MAP3K4: variants seen among roughly 807,000 people sequenced by gnomAD.
MAP3K4 encodes the protein mitogen-activated protein kinase kinase kinase 4.
In MAP3K4, 67 loss-of-function variants were observed where a neutral mutation model predicts 185.6. The observed-to-expected ratio is 0.36, with a 90% CI of 0.30 to 0.44. MAP3K4 has a LOEUF of 0.44. MAP3K4 is among the 20% of genes least tolerant of loss of function. The pLI is 1.00. For missense variants in MAP3K4, 1,551 were observed against 1,995.1 expected (o/e 0.78, Z 4.24); for synonymous variants, 702 against 710.4 (o/e 0.99, Z 0.19).
At chr6:161,000,907 A>G (rs538634876) in intron 1 of MAP3K4, among the ~76,000 whole-genome samples, 12 of 148,638 alleles carry the variant, frequency 8.1e-5, no homozygotes, top group East Asian at 3.9e-4. Context: ...ATATGTACAC[A>G]CACATATATA....
At chr6:161,010,687 G>C (rs1781804626) in intron 1 of MAP3K4, among the ~76,000 whole-genome samples, 1 of 152,144 alleles carries the variant, frequency 6.6e-6, no homozygotes, top group Non-Finnish European at 1.5e-5. Flanking sequence ...ACTAACCCCT[G>C]TTAAATACTC....
intron 2 of MAP3K4, among the ~76,000 whole-genome samples, chr6:161,035,654 A>G (rs1232328567): frequency 1.3e-5 from 2 of 152,170 alleles, no homozygotes; most frequent in Non-Finnish European, 2.9e-5. Flanking sequence ...TCCCACTGCA[A>G]TTTGTCATCT....
chr6:161,028,867 AT>A (rs1313988360), intron 1 of MAP3K4, among the ~76,000 whole-genome samples: 3 of 152,214 alleles, frequency 2.0e-5, no homozygotes, highest in African/African-American at 7.2e-5. Flanking sequence ...TCAGCTGTAG[AT>A]TGATGATAAA....
rs1778264618 is a variant in MAP3K4, at chr6:161,109,792, G to A, written c.4274G>A (p.Gly1425Glu). ...MYIFMEYCDE[G>E]TLEEVSRLGL... ...ATCTTCATGGAGTACTGCGATGAGGGGACTTTAGAAGAGGTGTCAAGGCTG... is the reference window on the plus strand; with the variant it reads ...ATCTTCATGGAGTACTGCGATGAGGAGACTTTAGAAGAGGTGTCAAGGCTG... Residue 1425 changes from glycine (G) to glutamate (E), a missense_variant, in exon 23 of 27, where the codon GGG becomes GAG. By Grantham distance (98) the Gly-to-Glu change is moderately conservative. This residue lies in a region of MAP3K4 where 159 missense variants were observed against 300.5 expected (regional missense o/e 0.53). Coordinates refer to ENST00000392142, the MANE Select transcript of MAP3K4 (RefSeq NM_005922.4). This position sits in a 1 kb window ranked among gnomAD's most constrained non-coding sequence, Gnocchi z 5.7. 6.2e-7 allele frequency: 1 copy of A among 1,614,002 alleles called. No homozygotes were observed. Among genetic ancestry groups the A allele is most frequent in the South Asian group, 1.1e-5 (1 of 91,068 alleles).
Position 161,117,036 on chromosome 6 carries a change from G to A in MAP3K4, c.*166G>A, listed in dbSNP as rs992596818. ...CCTGCTGCTCCTGTTTGTCTGATGT[G>A]GCAAAAGGCCCTCTGGAGGGCTGGT... is the stretch of plus-strand genomic sequence containing the variant. On this transcript the variant is annotated 3_prime_UTR_variant, in exon 27 of 27. Coordinates refer to ENST00000392142, the MANE Select transcript of MAP3K4 (RefSeq NM_005922.4). 19 of 663,044 alleles carry A rather than the reference G, an allele frequency of 2.9e-5. No individual in the cohort carries two copies. The highest frequency in any genetic ancestry group is 7.3e-5 in the African/African-American group (4 of 54,980). The allele number at this position is 663,044 out of a possible 1,614,324, so 41.1% of individuals were successfully genotyped here.
chr6:161,108,753 A>C lies in MAP3K4; in HGVS notation c.4130A>C (p.Gln1377Pro). 6.2e-7 allele frequency: 1 copy of C among 1,610,586 alleles called. No individual in the cohort carries two copies. The highest frequency in any genetic ancestry group is 1.1e-5 in the South Asian group (1 of 91,004). The change falls in exon 22 of 27, where the codon CAA becomes CCA. Residue 1377 changes from glutamine to proline, a missense_variant. By Grantham distance (76) the Gln-to-Pro change is moderately conservative. Transcript: ENST00000392142. The surrounding 1 kb of genome is among the most constrained non-coding windows in gnomAD (Gnocchi z 5.7). Reference protein sequence around the residue: ...ELMAMKEIRFQPNDHKTIKET... With the variant: ...ELMAMKEIRFPPNDHKTIKET... ...CACCTCACTTTACAGATTCGATTTC[A>C]ACCTAATGACCATAAGACTATCAAG...
chr6:161,093,142 T>A lies in MAP3K4; in HGVS notation c.3348+86T>A. On this transcript the variant is annotated intron_variant, in intron 14 of 26. Transcript: ENST00000392142. The surrounding 1 kb of genome is among the most constrained non-coding windows in gnomAD (Gnocchi z 5.2). ...GTTGTATATGTTTTATATGTAATAG[T>A]GGTTTTTTTCATGAGATATTAATCT... 1.1e-6 allele frequency: 1 copy of A among 885,692 alleles called. No individual in the cohort carries two copies. Among genetic ancestry groups the A allele is most frequent in the Non-Finnish European group, 1.8e-6 (1 of 558,762 alleles). 54.9% of individuals were successfully genotyped at this position (885,692 alleles called of 1,614,324 possible).
intron 6 of MAP3K4, among the ~76,000 whole-genome samples, chr6:161,081,948 C>T (rs1167355543): frequency 3.3e-5 from 5 of 152,222 alleles, no homozygotes; most frequent in Non-Finnish European, 5.9e-5. Flanking sequence ...AGAGCAGCAG[C>T]TTCTGCTGCC....
Position 161,086,727 on chromosome 6 carries a change from G to A in MAP3K4, c.2556+60G>A, listed in dbSNP as rs1335814054. ...GCCTTTCCTTCTTTATTCTAAAACAGGCAGACTTTTTCTTGAAGGTCCAGA... is the reference window on the plus strand; with the variant it reads ...GCCTTTCCTTCTTTATTCTAAAACAAGCAGACTTTTTCTTGAAGGTCCAGA... On this transcript the variant is annotated intron_variant, in intron 9 of 26. Transcript: ENST00000392142. This position sits in a 1 kb window ranked among gnomAD's most constrained non-coding sequence, Gnocchi z 4.8. The A allele has an allele frequency of 1.4e-6, 2 of 1,400,838 alleles. No homozygotes were observed. Among genetic ancestry groups the A allele is most frequent in the African/African-American group, 2.9e-5 (2 of 69,378 alleles). 86.8% of individuals were successfully genotyped at this position (1,400,838 alleles called of 1,614,324 possible).
chr6:161,097,187 C>T lies in MAP3K4; in HGVS notation c.3524+11C>T. ...TCCAGAGGGATTCAGGTATTTGGTG[C>T]TTATCTAGTCATTTGCTTTACAGAG... On this transcript the variant is annotated intron_variant, in intron 16 of 26. Coordinates refer to ENST00000392142, the MANE Select transcript of MAP3K4 (RefSeq NM_005922.4). The surrounding 1 kb of genome is among the most constrained non-coding windows in gnomAD (Gnocchi z 4.9). The T allele has an allele frequency of 6.2e-7, 1 of 1,610,908 alleles. No homozygotes were observed. The highest frequency in any genetic ancestry group is 8.5e-7 in the Non-Finnish European group (1 of 1,177,170).
rs1785097579 is a variant in MAP3K4 at position 161,074,756 on chromosome 6, T to C, written c.2097+1144T>C. 6.6e-6 allele frequency among the ~76,000 whole-genome samples: 1 copy of C among 152,212 alleles called. No individual in the cohort carries two copies. Among genetic ancestry groups the C allele is most frequent in the African/African-American group, 2.4e-5 (1 of 41,434 alleles). ...ATCGTTGTAGGTGGGGTGCATTCAT[T>C]CTTGCTTAACATGTACTGTGTCCTG... On this transcript the variant is annotated intron_variant, in intron 5 of 26. Coordinates refer to ENST00000392142, the MANE Select transcript of MAP3K4 (RefSeq NM_005922.4). This position sits in a 1 kb window ranked among gnomAD's most constrained non-coding sequence, Gnocchi z 5.0.
rs1221596945 is a variant in MAP3K4, at chr6:161,064,524, A to G, written c.1708-6084A>G. Among the ~76,000 whole-genome samples, 2 of 151,812 alleles carry G rather than the reference A, an allele frequency of 1.3e-5. No homozygotes were observed. The highest frequency in any genetic ancestry group is 6.6e-5 in the Admixed American group (1 of 15,222). The stretch of plus-strand genomic sequence containing the variant: ...TGTTCTGATCTGTTTATTACTGTGC[A>G]GGCTTATTCTATTTTAAATAGAGTA... On this transcript the variant is annotated intron_variant, in intron 3 of 26. Transcript: ENST00000392142. The surrounding 1 kb of genome is among the most constrained non-coding windows in gnomAD (Gnocchi z 4.3).
chr6:161,105,987 C>G (rs1324275560), intron 19 of MAP3K4, among the ~76,000 whole-genome samples: 1 of 152,030 alleles, frequency 6.6e-6, no homozygotes, highest in East Asian at 1.9e-4. Flanking sequence ...AGGCACACAC[C>G]ACCACACCTG....
Position 161,106,010 on chromosome 6 carries a change from A to G in MAP3K4, c.3857-504A>G, listed in dbSNP as rs1562544443. ...ACCACCACACCTGGCTAACTTTTGT[A>G]TTTTTTTGTAGAGATGGGGTTTTGC... On this transcript the variant is annotated intron_variant, in intron 19 of 26. Transcript: ENST00000392142. The surrounding 1 kb of genome is among the most constrained non-coding windows in gnomAD (Gnocchi z 4.9). 1.3e-5 allele frequency among the ~76,000 whole-genome samples: 2 copies of G among 151,638 alleles called. No individual in the cohort carries two copies. Among genetic ancestry groups the G allele is most frequent in the African/African-American group, 4.8e-5 (2 of 41,264 alleles).
In MAP3K4 at chr6:161,098,123, T is replaced by C. The variant is rs1777652320; in HGVS notation, c.3525-155T>C. The C allele has an allele frequency of 5.4e-6, 5 of 921,090 alleles. No individual in the cohort carries two copies. The highest frequency in any genetic ancestry group is 8.1e-6 in the Non-Finnish European group (5 of 618,204). 57.1% of individuals were successfully genotyped at this position (921,090 alleles called of 1,614,324 possible). A position where few individuals can be genotyped will look rare whatever the true frequency, so the allele number is the denominator to read the frequency against. On this transcript the variant is annotated intron_variant, in intron 16 of 26. Transcript: ENST00000392142. This position sits in a 1 kb window ranked among gnomAD's most constrained non-coding sequence, Gnocchi z 4.4. ...AAGCTTTGAAGTTAGGTTTTTTCTTTTTTACACCTAGACTCAAATCTCAAA... is the reference window on the plus strand; with the variant it reads ...AAGCTTTGAAGTTAGGTTTTTTCTTCTTTACACCTAGACTCAAATCTCAAA...
At chr6:161,025,065 C>T (rs962414624) in intron 1 of MAP3K4, among the ~76,000 whole-genome samples, 1 of 152,078 alleles carries the variant, frequency 6.6e-6, no homozygotes, top group Non-Finnish European at 1.5e-5. Context: ...AATATGGGCT[C>T]ATGGTTGTAA....
At chr6:161,104,943 A>T (rs1338676211) in intron 19 of MAP3K4, among the ~76,000 whole-genome samples, 3 of 152,210 alleles carry the variant, frequency 2.0e-5, no homozygotes, top group Non-Finnish European at 4.4e-5. Flanking sequence ...CTCTTTTCAG[A>T]TTAACCTTAG....
At chr6:161,029,458 C>CT (rs1390480172) in intron 1 of MAP3K4, among the ~76,000 whole-genome samples, 1 of 152,116 alleles carries the variant, frequency 6.6e-6, no homozygotes, top group Non-Finnish European at 1.5e-5. Context: ...ACCAAACTCC[C>CT]TTGGGTTGAG....
intron 2 of MAP3K4, among the ~76,000 whole-genome samples, chr6:161,047,459 A>G (rs1783785725): frequency 1.3e-5 from 2 of 152,172 alleles, no homozygotes; most frequent in East Asian, 1.9e-4. Context: ...TACTTATATC[A>G]TCATTGATTA....
Sources: gnomAD v4.1 joint callset for allele counts (sites outside exome capture counted in the v4.1 genomes callset) on GRCh38, gnomAD v4.1.1 for gene constraint, gnomAD v4.1.1 regional missense constraint, Gnocchi (gnomAD v3.1) non-coding constraint, MANE v1.5 for transcripts, NCBI Gene and HGNC (gene_info 2026-07-23, HGNC 2026-07-21) for gene names.